THAP4: variants seen among roughly 807,000 people sequenced by gnomAD.
THAP4 encodes THAP domain containing 4.
In THAP4, 18 loss-of-function variants were observed where a neutral mutation model predicts 48.1. The ratio of observed to expected loss-of-function variants is 0.37; its 90% CI spans 0.26 to 0.56. The LOEUF (loss-of-function observed/expected upper bound fraction) is 0.56, where lower values mean the gene tolerates loss of function less well. Among genes scored for constraint, THAP4 ranks in the 20% least tolerant of loss-of-function variants. The pLI is 0.78. For missense variants in THAP4, 656 were observed against 774.9 expected (o/e 0.85, Z 1.82); for synonymous variants, 345 against 324.9 (o/e 1.06, Z -0.66).
rs2067135408 is a variant in THAP4 at position 241,602,997 on chromosome 2, C to T, written c.1483G>A (p.Val495Met). 6.2e-7 allele frequency: 1 copy of T among 1,614,014 alleles called. No individual in the cohort carries two copies. Among genetic ancestry groups the T allele is most frequent in the African/African-American group, 1.3e-5 (1 of 74,954 alleles). Residue 495 changes from valine (V) to methionine (M), a missense_variant, in exon 4 of 6, where the codon GTG becomes ATG. Physicochemically the swap from Val to Met is conservative, Grantham distance 21 (BLOSUM62 1). This residue lies in a region of THAP4 where 176 missense variants were observed against 256.7 expected (regional missense o/e 0.69). Transcript: ENST00000407315. ...FIRLKPDTNKVAFVSAQNTGV... is the reference protein window; with the variant it reads ...FIRLKPDTNKMAFVSAQNTGV... Reference sequence around the variant, plus strand: ...GTGTTCTGGGCGCTGACAAAGGCCACCTTGTTGGTGTCGGGCTTGAGGCGA... The same window carrying T: ...GTGTTCTGGGCGCTGACAAAGGCCATCTTGTTGGTGTCGGGCTTGAGGCGA...
At chr2:241,604,456 G>A (rs1333682742) in intron 3 of THAP4, among the ~76,000 whole-genome samples, 1 of 152,024 alleles carries the variant, frequency 6.6e-6, no homozygotes, top group Non-Finnish European at 1.5e-5. Flanking sequence ...TCTCCATGTT[G>A]GTCAGGCTGA....
chr2:241,632,445 T>C (rs918109626), intron 2 of THAP4, among the ~76,000 whole-genome samples: 1 of 152,178 alleles, frequency 6.6e-6, no homozygotes, highest in African/African-American at 2.4e-5. Flanking sequence ...ATTATTAATG[T>C]TCATGATGAT....
intron 3 of THAP4, among the ~76,000 whole-genome samples, chr2:241,605,869 C>T (rs1215123513): frequency 6.6e-6 from 1 of 152,002 alleles, no homozygotes; most frequent in African/African-American, 2.4e-5. Context: ...AGGCATGTGT[C>T]ACCACACCTG....
At chr2:241,611,724 CAAA>C (rs556777493) in intron 2 of THAP4, among the ~76,000 whole-genome samples, 7 of 97,686 alleles carry the variant, frequency 7.2e-5, no homozygotes, top group Admixed American at 1.1e-4. Flanking sequence ...ACTCTGTCTC[CAAA>C]AAAAAAAAAA....
At chr2:241,589,212 C>CAAAAA (rs765239066) in intron 5 of THAP4, among the ~76,000 whole-genome samples, 4 of 110,878 alleles carry the variant, frequency 3.6e-5, no homozygotes, top group Non-Finnish European at 5.3e-5. Flanking sequence ...AACAATGTCT[C>CAAAAA]AAAAAAAAAA....
chr2:241,615,982 GAC>G (rs1277820725), intron 2 of THAP4, among the ~76,000 whole-genome samples: 2 of 152,198 alleles, frequency 1.3e-5, no homozygotes, highest in Non-Finnish European at 2.9e-5. Flanking sequence ...CGCCCATGGG[GAC>G]ACACTCTGCC....
Position 241,601,818 on chromosome 2 carries a change from A to G in THAP4, c.1614+78T>C. ...ACAGTGGCAAGACACGCACTACCTC[A>G]CGGAAGAGGAAGAGGCTGACTCCAC... On this transcript the variant is annotated intron_variant, in intron 5 of 5. Transcript: ENST00000407315. The surrounding 1 kb of genome is among the most constrained non-coding windows in gnomAD (Gnocchi z 4.0). 6.3e-7 allele frequency: 1 copy of G among 1,587,946 alleles called. No homozygotes were observed. Among genetic ancestry groups the G allele is most frequent in the African/African-American group, 1.3e-5 (1 of 74,730 alleles).
At chr2:241,604,641 T>C (rs1388595101) in intron 3 of THAP4, among the ~76,000 whole-genome samples, 1 of 152,132 alleles carries the variant, frequency 6.6e-6, no homozygotes, top group Non-Finnish European at 1.5e-5. Context: ...AACTCTTGAC[T>C]TCTAGTGATC....
chr2:241,589,920 A>G (rs1015493503), intron 5 of THAP4, among the ~76,000 whole-genome samples: 2 of 152,160 alleles, frequency 1.3e-5, no homozygotes, highest in Non-Finnish European at 2.9e-5. Context: ...GACCGGAAAC[A>G]AATGAGTTGT....
At chr2:241,597,237 G>A (rs1344608547) in intron 5 of THAP4, among the ~76,000 whole-genome samples, 2 of 152,108 alleles carry the variant, frequency 1.3e-5, no homozygotes, top group Non-Finnish European at 2.9e-5. Context: ...AGTTTCAAGC[G>A]ATTCTCCTGC....
chr2:241,613,995 T>C (rs2067308843), intron 2 of THAP4, among the ~76,000 whole-genome samples: 1 of 151,292 alleles, frequency 6.6e-6, no homozygotes, highest in Non-Finnish European at 1.5e-5. Context: ...CTACCAGAAA[T>C]ACAAAAAAAT....
chr2:241,606,799 G>A (rs1470372972), intron 2 of THAP4, among the ~76,000 whole-genome samples: 4 of 152,178 alleles, frequency 2.6e-5, no homozygotes, highest in Admixed American at 6.5e-5. Context: ...GGGATACTGA[G>A]GGACCTCAAG....
chr2:241,604,611 C>T (rs1575024866), intron 3 of THAP4, among the ~76,000 whole-genome samples: 1 of 152,206 alleles, frequency 6.6e-6, no homozygotes, highest in Admixed American at 6.5e-5. Context: ...AATTTCACCA[C>T]ATTGGCCAGG....
intron 5 of THAP4, among the ~76,000 whole-genome samples, chr2:241,597,211 ACCT>A (rs2067061243): frequency 2.6e-5 from 4 of 152,110 alleles, no homozygotes; most frequent in Admixed American, 2.0e-4. Flanking sequence ...GCTCACTGCA[ACCT>A]CCGCTGCCTA....
chr2:241,598,469 C>T (rs2067075449), intron 5 of THAP4, among the ~76,000 whole-genome samples: 1 of 152,160 alleles, frequency 6.6e-6, no homozygotes, highest in African/African-American at 2.4e-5. Context: ...TAATTTATTA[C>T]AGCAGTCCCC....
At chr2:241,626,054 G>A (rs1429159262) in intron 2 of THAP4, among the ~76,000 whole-genome samples, 5 of 152,022 alleles carry the variant, frequency 3.3e-5, no homozygotes, top group African/African-American at 9.7e-5. Flanking sequence ...ACATTAATAG[G>A]TGCAAAAAAA....
chr2:241,621,022 G>C (rs993723811), intron 2 of THAP4, among the ~76,000 whole-genome samples: 1 of 152,150 alleles, frequency 6.6e-6, no homozygotes. Flanking sequence ...AGGTACGGCA[G>C]AGATTTTAGA....
intron 5 of THAP4, among the ~76,000 whole-genome samples, chr2:241,591,544 C>G (rs1023711481): frequency 1.3e-5 from 2 of 152,116 alleles, no homozygotes; most frequent in South Asian, 2.1e-4. Flanking sequence ...AACAGACCAC[C>G]TGGAACCAGA....
chr2:241,623,486 G>C (rs1207282715), intron 2 of THAP4, among the ~76,000 whole-genome samples: 1 of 151,942 alleles, frequency 6.6e-6, no homozygotes, highest in Non-Finnish European at 1.5e-5. Flanking sequence ...AGGCTAAGTG[G>C]GAGGATCACC....
Sources: gnomAD v4.1 joint callset for allele counts (sites outside exome capture counted in the v4.1 genomes callset) on GRCh38, gnomAD v4.1.1 for gene constraint, gnomAD v4.1.1 regional missense constraint, Gnocchi (gnomAD v3.1) non-coding constraint, MANE v1.5 for transcripts, NCBI Gene and HGNC (gene_info 2026-07-23, HGNC 2026-07-21) for gene names.